PGM1: variants seen among roughly 807,000 people sequenced by gnomAD.
The protein encoded by PGM1 is phosphoglucomutase 1.
A neutral mutation model predicts 55.6 loss-of-function variants in PGM1; 52 were observed. The observed-to-expected ratio is 0.94, with a 90% CI of 0.75 to 1.18. The LOEUF is 1.18. Ranked by LOEUF, PGM1 falls within the 50% of genes most tolerant of loss-of-function variation. PGM1 has a pLI of 0.00. For missense variants in PGM1, 724 were observed against 729.3 expected, an observed-to-expected ratio of 0.99 and a Z score of 0.08; for synonymous variants, 287 against 271.7, an observed-to-expected ratio of 1.06 and a Z score of -0.55.
intron 1 of PGM1, among the ~76,000 whole-genome samples, chr1:63,610,691 T>A (rs540985199): frequency 1.9e-3 from 292 of 152,162 alleles, no homozygotes; most frequent in African/African-American, 6.8e-3. Context: ...CAATGACCTG[T>A]CAAGATGCTC....
At chr1:63,609,570 T>C (rs1330857466) in intron 1 of PGM1, among the ~76,000 whole-genome samples, 2 of 152,152 alleles carry the variant, frequency 1.3e-5, no homozygotes, top group Non-Finnish European at 2.9e-5. Flanking sequence ...ATTACAGTTG[T>C]CCAACTTTAC....
intron 1 of PGM1, among the ~76,000 whole-genome samples, chr1:63,607,463 G>T (rs1648452583): frequency 6.6e-6 from 1 of 152,174 alleles, no homozygotes; most frequent in Non-Finnish European, 1.5e-5. Flanking sequence ...GAAGGAAAAA[G>T]AGATGGTCAT....
chr1:63,596,254 CTTT>C (rs531673796), intron 1 of PGM1, among the ~76,000 whole-genome samples: 28 of 111,314 alleles, frequency 2.5e-4, no homozygotes, highest in South Asian at 6.3e-4. Flanking sequence ...TTTTCTTCTT[CTTT>C]TTTTTTTTTT....
intron 7 of PGM1, among the ~76,000 whole-genome samples, chr1:63,646,424 C>G (rs905043115): frequency 1.3e-5 from 2 of 152,038 alleles, no homozygotes; most frequent in African/African-American, 4.8e-5. Context: ...CCGAGAAGCC[C>G]ATTTTAAAAT....
chr1:63,610,975 ATAGTTG>A (rs554782607), intron 1 of PGM1, among the ~76,000 whole-genome samples: 291 of 152,306 alleles, frequency 1.9e-3, no homozygotes, highest in African/African-American at 6.8e-3. Context: ...GTTCTGGTGA[ATAGTTG>A]ATTAGGTCCA....
At position 63,659,921 on chromosome 1, in the gene PGM1, C is replaced by T. The variant is rs1650073481; in HGVS notation, c.*246C>T. On this transcript the variant is annotated 3_prime_UTR_variant, in exon 11 of 11. Transcript: ENST00000371084. ...CTTTTCATGCCCTCCTGCATTGCTG[C>T]TGCGTGGGTATTTGTCTCCTTAGCC... 2 of 593,984 alleles carry T rather than the reference C, an allele frequency of 3.4e-6. No individual in the cohort carries two copies. The highest frequency in any genetic ancestry group is 2.7e-5 in the Admixed American group (1 of 36,798). The allele number at this position is 593,984 out of a possible 1,614,324, so 36.8% of individuals were successfully genotyped here. A position where few individuals can be genotyped will look rare whatever the true frequency, so the allele number is the denominator to read the frequency against.
Sources: allele counts gnomAD v4.1 joint callset (sites outside exome capture counted in the v4.1 genomes callset), GRCh38; gene constraint gnomAD v4.1.1; transcripts MANE v1.5; gene names NCBI Gene and HGNC (gene_info 2026-07-23, HGNC 2026-07-21).